ARHGAP35: variants seen among roughly 807,000 people sequenced by gnomAD.
ARHGAP35 encodes rho GTPase-activating protein 35.
In ARHGAP35, 15 loss-of-function variants were observed where a neutral mutation model predicts 111.1. The ratio of observed to expected loss-of-function variants is 0.13; its 90% confidence interval spans 0.09 to 0.21. The LOEUF (loss-of-function observed/expected upper bound fraction) is 0.21, where lower values mean the gene tolerates loss of function less well. ARHGAP35 is among the 10% of genes least tolerant of loss of function. The pLI is 1.00. For missense variants in ARHGAP35, 1,262 were observed against 1,873.0 expected (o/e 0.67, Z 6.02); for synonymous variants, 643 against 710.3 (o/e 0.91, Z 1.51).
At chr19:46,942,345 C>T (rs2056352221) in intron 3 of ARHGAP35, among the ~76,000 whole-genome samples, 1 of 151,988 alleles carries the variant, frequency 6.6e-6, no homozygotes, top group Non-Finnish European at 1.5e-5. Context: ...TTAGATGAGG[C>T]AGAAGAGGCC....
At chr19:46,912,592 G>A (rs1397789916) in intron 1 of ARHGAP35, among the ~76,000 whole-genome samples, 1 of 151,936 alleles carries the variant, frequency 6.6e-6, no homozygotes, top group East Asian at 1.9e-4. Context: ...TCCTGACTTC[G>A]TGATCTGCCC....
chr19:46,934,206 C>G (rs1299528398), intron 2 of ARHGAP35, among the ~76,000 whole-genome samples: 1 of 152,190 alleles, frequency 6.6e-6, no homozygotes, highest in Non-Finnish European at 1.5e-5. Flanking sequence ...GATTGTATAG[C>G]TAACCTTTTA....
At chr19:46,991,374 A>G (rs2056678142) in intron 5 of ARHGAP35, among the ~76,000 whole-genome samples, 1 of 152,078 alleles carries the variant, frequency 6.6e-6, no homozygotes, top group Admixed American at 6.5e-5. Flanking sequence ...GCAGAACCCC[A>G]TTGTTTCTGC....
chr19:46,924,344 T>C (rs1286525946), intron 2 of ARHGAP35, among the ~76,000 whole-genome samples: 2 of 152,176 alleles, frequency 1.3e-5, no homozygotes, highest in African/African-American at 4.8e-5. Context: ...CCACAGAAAT[T>C]GCATCCACTT....
intron 1 of ARHGAP35, among the ~76,000 whole-genome samples, chr19:46,873,691 G>A (rs749777091): frequency 4.0e-5 from 6 of 149,206 alleles, no homozygotes; most frequent in Non-Finnish European, 8.9e-5. Flanking sequence ...AATTAGTGAT[G>A]TGTTCCCTTT....
chr19:46,877,206 C>T (rs1345114609), intron 1 of ARHGAP35, among the ~76,000 whole-genome samples: 2 of 141,336 alleles, frequency 1.4e-5, no homozygotes, highest in African/African-American at 2.7e-5. Flanking sequence ...GAGCTGAGAT[C>T]ACGCCATTGC....
chr19:46,967,131 A>C (rs2056520372), intron 3 of ARHGAP35, among the ~76,000 whole-genome samples: 2 of 150,384 alleles, frequency 1.3e-5, no homozygotes, highest in South Asian at 4.2e-4. Context: ...TTTTTCTCAG[A>C]TCCCTAGAAT....
Position 46,989,486 on chromosome 19 carries a change from C to G in ARHGAP35, c.3905-58C>G. 1 of 1,607,152 alleles carries G rather than the reference C, an allele frequency of 6.2e-7. No individual in the cohort carries two copies. Among genetic ancestry groups the G allele is most frequent in the Non-Finnish European group, 8.5e-7 (1 of 1,175,748 alleles). The stretch of plus-strand genomic sequence containing the variant: ...TAGCCTCTCCTGAGCCCCGAGTTGT[C>G]CTGATGCTTCTGCCTGGCTTAGAAT... On this transcript the variant is annotated intron_variant, in intron 4 of 6. Coordinates refer to ENST00000672722, the MANE Select transcript of ARHGAP35 (RefSeq NM_004491.5). This position sits in a 1 kb window ranked among gnomAD's most constrained non-coding sequence, Gnocchi z 5.3.
At chr19:46,894,146 A>T (rs1446390280) in intron 1 of ARHGAP35, among the ~76,000 whole-genome samples, 1 of 152,132 alleles carries the variant, frequency 6.6e-6, no homozygotes, top group Non-Finnish European at 1.5e-5. Flanking sequence ...AAATGATGCA[A>T]TTAGGATGCA....
Position 47,001,491 on chromosome 19 carries a change from C to A in ARHGAP35, c.*803C>A. The A allele has an allele frequency of 9.8e-7, 1 of 1,016,926 alleles. No individual in the cohort carries two copies. Among genetic ancestry groups the A allele is most frequent in the Non-Finnish European group, 1.3e-6 (1 of 750,982 alleles). The allele number at this position is 1,016,926 out of a possible 1,614,324, so 63.0% of individuals were successfully genotyped here. On this transcript the variant is annotated 3_prime_UTR_variant, in exon 7 of 7. Coordinates refer to ENST00000672722, the MANE Select transcript of ARHGAP35 (RefSeq NM_004491.5). The surrounding 1 kb of genome is among the most constrained non-coding windows in gnomAD (Gnocchi z 5.4). ...CTCTGCCGGGAGGGAGGGAGGCACACAGGTGGAGCTGACCCTCGTCTTTGT... is the reference window on the plus strand; with the variant it reads ...CTCTGCCGGGAGGGAGGGAGGCACAAAGGTGGAGCTGACCCTCGTCTTTGT...
intron 2 of ARHGAP35, among the ~76,000 whole-genome samples, chr19:46,934,839 GTTTTTGTAT>G (rs778327775): frequency 6.6e-6 from 1 of 150,396 alleles, no homozygotes; most frequent in Non-Finnish European, 1.5e-5. Context: ...CCAGCTAATT[GTTTTTGTAT>G]TTTTTGTAGA....
intron 3 of ARHGAP35, among the ~76,000 whole-genome samples, chr19:46,954,706 A>G (rs746851632): frequency 6.6e-6 from 1 of 152,258 alleles, no homozygotes; most frequent in Non-Finnish European, 1.5e-5. Context: ...GCCTCCCAAC[A>G]GTTTTTAAAA....
At chr19:46,965,959 G>A (rs914494634) in intron 3 of ARHGAP35, among the ~76,000 whole-genome samples, 7 of 151,920 alleles carry the variant, frequency 4.6e-5, no homozygotes, top group African/African-American at 1.7e-4. Context: ...AGTTCATATT[G>A]CCCCCTAGAA....
intron 2 of ARHGAP35, among the ~76,000 whole-genome samples, chr19:46,933,244 A>C (rs1007830410): frequency 6.6e-6 from 1 of 150,698 alleles, no homozygotes; most frequent in African/African-American, 2.5e-5. Context: ...CCCCAGCTCA[A>C]GCAATCCTCC....
chr19:46,921,642 C>T lies in ARHGAP35; in HGVS notation c.2967C>T (p.Ile989=), dbSNP rs36040482. ...NSNLQDSEED[I]EPSYSLFRED... is the part of the protein sequence containing the mutation. The stretch of plus-strand genomic sequence containing the variant: ...ACCTGCAGGATTCAGAAGAAGATAT[C>T]GAGCCATCTTACAGCCTGTTTCGAG... The change falls in exon 2 of 7, where the codon ATC becomes ATT. Residue 989 remains isoleucine (I), a synonymous_variant. Transcript: ENST00000672722. The surrounding 1 kb of genome is among the most constrained non-coding windows in gnomAD (Gnocchi z 4.3). 5.7e-4 allele frequency: 926 copies of T among 1,613,940 alleles called. 4 individuals are homozygous for T. In the African/African-American group the frequency reaches 0.01, roughly 18 times the overall value.
chr19:46,986,720 TAACAAG>T lies in ARHGAP35; in HGVS notation c.3827-1264_3827-1259del, dbSNP rs2056652176. Among the ~76,000 whole-genome samples the T allele has an allele frequency of 6.6e-6, 1 of 152,254 alleles. No homozygotes were observed. The highest frequency in any genetic ancestry group is 1.5e-5 in the Non-Finnish European group (1 of 68,044). On this transcript the variant is annotated intron_variant, in intron 3 of 6. Coordinates refer to ENST00000672722, the MANE Select transcript of ARHGAP35 (RefSeq NM_004491.5). This position sits in a 1 kb window ranked among gnomAD's most constrained non-coding sequence, Gnocchi z 4.3. ...TTCAAAATAAGAACACTAGGAAAAT[TAACAAG>T]AACATGAATACGATATTCACAAAGT...
chr19:47,000,626 A>AC lies in ARHGAP35; in HGVS notation c.4444dup (p.Gln1482ProfsTer34). 1 of 1,534,372 alleles carries AC rather than the reference A, an allele frequency of 6.5e-7. No homozygotes were observed. Among genetic ancestry groups the AC allele is most frequent in the Non-Finnish European group, 8.8e-7 (1 of 1,139,586 alleles). ...GTCGCCCCCACAGTCGCCTCCACCC[A>AC]CCCCCCAGTCCCCAATGCAGCCACT... On this transcript the variant is annotated frameshift_variant, in exon 7 of 7. Coordinates refer to ENST00000672722, the MANE Select transcript of ARHGAP35 (RefSeq NM_004491.5). LOFTEE classifies it high-confidence loss of function. This position sits in a 1 kb window ranked among gnomAD's most constrained non-coding sequence, Gnocchi z 6.9.
intron 1 of ARHGAP35, among the ~76,000 whole-genome samples, chr19:46,905,785 C>T (rs1183488399): frequency 6.6e-6 from 1 of 152,082 alleles, no homozygotes; most frequent in Non-Finnish European, 1.5e-5. Context: ...CCCCTAACCT[C>T]ACATGATCCG....
chr19:46,962,993 A>C (rs1373818728), intron 3 of ARHGAP35, among the ~76,000 whole-genome samples: 1 of 152,096 alleles, frequency 6.6e-6, no homozygotes, highest in East Asian at 1.9e-4. Flanking sequence ...TTTTCAGGCT[A>C]GCCTATTTCA....
Sources: gnomAD v4.1 joint callset for allele counts (sites outside exome capture counted in the v4.1 genomes callset) on GRCh38, gnomAD v4.1.1 for gene constraint, Gnocchi (gnomAD v3.1) non-coding constraint, MANE v1.5 for transcripts, NCBI Gene and HGNC (gene_info 2026-07-23, HGNC 2026-07-21) for gene names.